EIF4G3: variants seen among roughly 807,000 people sequenced by gnomAD.
EIF4G3 encodes the protein eIF-4-gamma 3.
In EIF4G3, 34 loss-of-function variants were observed where a neutral mutation model predicts 186.4. The ratio of observed to expected loss-of-function variants is 0.18; its 90% CI spans 0.14 to 0.24. The LOEUF is 0.24. Among genes scored for constraint, EIF4G3 ranks in the 10% least tolerant of loss-of-function variants. The pLI, the probability that EIF4G3 is intolerant of heterozygous loss-of-function variation, is 1.00. For missense variants in EIF4G3, 1,536 were observed against 1,948.5 expected, an observed-to-expected ratio of 0.79 and a Z score of 3.99; for synonymous variants, 673 against 679.5, an observed-to-expected ratio of 0.99 and a Z score of 0.15.
At chr1:20,881,387 A>G (rs972702002) in intron 19 of EIF4G3, among the ~76,000 whole-genome samples, 6 of 152,224 alleles carry the variant, frequency 3.9e-5, no homozygotes, top group African/African-American at 1.4e-4. Flanking sequence ...TCTAAAAGAC[A>G]ACATAGTAGA....
intron 20 of EIF4G3, among the ~76,000 whole-genome samples, chr1:20,872,423 AC>A (rs2079483129): frequency 6.6e-6 from 1 of 152,102 alleles, no homozygotes; most frequent in Non-Finnish European, 1.5e-5. Context: ...ACAGCTGGCC[AC>A]TTTTTCAGTT....
intron 14 of EIF4G3, among the ~76,000 whole-genome samples, 174 bp from the exon 15 acceptor site, chr1:20,905,145 T>G (rs1162254105): frequency 6.6e-6 from 1 of 152,230 alleles, no homozygotes; most frequent in Non-Finnish European, 1.5e-5. Flanking sequence ...GATTGCAACA[T>G]CAAGTGTTGT....
intron 2 of EIF4G3, among the ~76,000 whole-genome samples, chr1:21,130,738 T>C (rs1478936923): frequency 6.6e-6 from 1 of 152,010 alleles, no homozygotes; most frequent in Non-Finnish European, 1.5e-5. Context: ...ATACAGAAGC[T>C]AGAAAAATGA....
At chr1:20,839,134 C>G (rs976090142) in intron 30 of EIF4G3, among the ~76,000 whole-genome samples, 6 of 152,064 alleles carry the variant, frequency 3.9e-5, no homozygotes, top group African/African-American at 1.4e-4. Flanking sequence ...CGTGCCACCA[C>G]GCCCGGCTAA....
intron 29 of EIF4G3, among the ~76,000 whole-genome samples, chr1:20,843,311 G>A (rs887236762): frequency 1.3e-5 from 2 of 152,034 alleles, no homozygotes; most frequent in South Asian, 4.1e-4. Flanking sequence ...AGGTTCAGCA[G>A]TATGAGACCA....
rs200368420 is a variant in EIF4G3 at position 20,807,406 on chromosome 1, C to T, written c.4839G>A (p.Glu1613=). The change falls in exon 37 of 37, where the codon GAG becomes GAA. Residue 1613 remains glutamate, a synonymous_variant. Coordinates refer to ENST00000602326, the MANE Select transcript of EIF4G3 (RefSeq NM_001391906.1). The part of the protein sequence containing the change: ...YKWESSKDPA[E]QNGKGVALKS... ...TCAGAGCCACGCCCTTCCCATTCTGCTCTGCAGGGTCCTTGCTGCTCTCCC... is the reference window on the plus strand; with the variant it reads ...TCAGAGCCACGCCCTTCCCATTCTGTTCTGCAGGGTCCTTGCTGCTCTCCC... 1 of 1,613,270 alleles carries T rather than the reference C, an allele frequency of 6.2e-7. No individual in the cohort carries two copies. Among genetic ancestry groups the T allele is most frequent in the Non-Finnish European group, 8.5e-7 (1 of 1,179,374 alleles).
chr1:21,126,563 G>A (rs1168896534), intron 2 of EIF4G3, among the ~76,000 whole-genome samples: 1 of 151,912 alleles, frequency 6.6e-6, no homozygotes, highest in Non-Finnish European at 1.5e-5. Flanking sequence ...GAATGGCATG[G>A]GAGGATCCCT....
chr1:21,093,986 G>A (rs1037500535), intron 2 of EIF4G3, among the ~76,000 whole-genome samples: 1 of 152,052 alleles, frequency 6.6e-6, no homozygotes, highest in African/African-American at 2.4e-5. Context: ...GATAGCATTA[G>A]GAGACATACC....
intron 3 of EIF4G3, among the ~76,000 whole-genome samples, chr1:21,061,755 T>C (rs1207445733): frequency 6.6e-6 from 1 of 150,814 alleles, no homozygotes; most frequent in African/African-American, 2.4e-5. Context: ...TTTTTTTTTT[T>C]TTTCTTTTTT....
At chr1:21,148,374 A>G (rs2097489221) in intron 2 of EIF4G3, among the ~76,000 whole-genome samples, 1 of 152,050 alleles carries the variant, frequency 6.6e-6, no homozygotes, top group African/African-American at 2.4e-5. Flanking sequence ...GCCTGGTCTC[A>G]GCATTCTTCT....
chr1:21,014,660 A>C (rs1398669844), intron 4 of EIF4G3, among the ~76,000 whole-genome samples: 1 of 107,572 alleles, frequency 9.3e-6, no homozygotes, highest in Admixed American at 1.2e-4. Context: ...TTTGGTATGG[A>C]GTCCTATGCT....
intron 3 of EIF4G3, among the ~76,000 whole-genome samples, chr1:21,067,973 T>A (rs2095309140): frequency 6.6e-6 from 1 of 152,032 alleles, no homozygotes; most frequent in Non-Finnish European, 1.5e-5. Flanking sequence ...CCTATGTTTG[T>A]ATGTTTACTG....
rs1413066014 is a variant in EIF4G3 at position 21,176,788 on chromosome 1, C to A, written c.-522G>T. ...TTATCCCCCTCCCCGGAGGAAGCGG[C>A]GCCCTTCTCGGTAGCGGGGCTCAGG... On this transcript the variant is annotated 5_prime_UTR_variant, in exon 1 of 37. Transcript: ENST00000602326. 1.4e-6 allele frequency: 1 copy of A among 700,062 alleles called. No homozygotes were observed. The highest frequency in any genetic ancestry group is 2.6e-6 in the Non-Finnish European group (1 of 383,560). The allele number at this position is 700,062 out of a possible 1,614,324, so 43.4% of individuals were successfully genotyped here.
At position 20,853,620 on chromosome 1, in the gene EIF4G3, G is replaced by A. The variant is rs746773659; in HGVS notation, c.3491C>T (p.Ala1164Val). 2 of 1,614,084 alleles carry A rather than the reference G, an allele frequency of 1.2e-6. No homozygotes were observed. Among genetic ancestry groups the A allele is most frequent in the South Asian group, 1.1e-5 (1 of 91,070 alleles). The change falls in exon 27 of 37, where the codon GCA becomes GTA. Residue 1164 changes from alanine to valine, a missense_variant. Transcript: ENST00000602326. ...CGTGGATGGCGTGGACCCTGAGGGT[G>A]CTGGAGGTTGCAGGGCAGAGAATCT... is the stretch of plus-strand genomic sequence containing the variant. The part of the protein sequence containing the change: ...LNRFSALQPP[A>V]PSGSTPSTPV...
intron 6 of EIF4G3, among the ~76,000 whole-genome samples, chr1:21,000,747 T>C (rs533289200): frequency 6.6e-6 from 1 of 152,262 alleles, no homozygotes; most frequent in East Asian, 1.9e-4. Flanking sequence ...TTTTTAGTAA[T>C]GGGGTGGGTA....
At chr1:21,025,554 G>A (rs918516176) in intron 4 of EIF4G3, among the ~76,000 whole-genome samples, 1 of 152,164 alleles carries the variant, frequency 6.6e-6, no homozygotes, top group Non-Finnish European at 1.5e-5. Context: ...AAGGTTTGAG[G>A]ATTAGATGGT....
At chr1:20,999,665 A>C in intron 6 of EIF4G3, 1 of 420,410 alleles carries the variant, frequency 2.4e-6, no homozygotes, top group South Asian at 1.8e-5. Context: ...ACCCCAACTT[A>C]AGTTAGTAGG....
intron 2 of EIF4G3, among the ~76,000 whole-genome samples, chr1:21,155,349 T>C (rs1451425560): frequency 1.3e-5 from 2 of 151,910 alleles, no homozygotes. Flanking sequence ...CTGAAACAGT[T>C]CCTTTTCTTC....
intron 2 of EIF4G3, among the ~76,000 whole-genome samples, chr1:21,125,232 A>G (rs1390779190): frequency 6.6e-6 from 1 of 152,222 alleles, no homozygotes; most frequent in Non-Finnish European, 1.5e-5. Context: ...AAAGCTTTTA[A>G]AAAGATGAGA....
Sources: gnomAD v4.1 joint callset for allele counts (sites outside exome capture counted in the v4.1 genomes callset) on GRCh38, gnomAD v4.1.1 for gene constraint, MANE v1.5 for transcripts, NCBI Gene and HGNC (gene_info 2026-07-23, HGNC 2026-07-21) for gene names.